WWOX: variants seen among roughly 807,000 people sequenced by gnomAD.
WWOX encodes WW domain containing oxidoreductase.
In WWOX, 69 loss-of-function variants were observed where a neutral mutation model predicts 46.2. The observed-to-expected ratio is 1.49, with a 90% CI of 1.23 to 1.82. The LOEUF is 1.82. Ranked by LOEUF, WWOX falls within the 40% of genes most tolerant of loss-of-function variation. WWOX has a pLI of 0.00. For synonymous variants in WWOX, 359 were observed against 202.6 expected (o/e 1.77, Z -6.56); for missense variants, 919 against 542.6 (o/e 1.69, Z -6.89).
At chr16:78,944,362 G>T (rs941387558) in intron 8 of WWOX, among the ~76,000 whole-genome samples, 45 of 152,256 alleles carry the variant, frequency 3.0e-4, no homozygotes, top group African/African-American at 1.0e-3. Context: ...GAAGATAGGA[G>T]CTGTCTTATC....
At chr16:78,187,907 C>T (rs1366675302) in intron 5 of WWOX, among the ~76,000 whole-genome samples, 2 of 152,148 alleles carry the variant, frequency 1.3e-5, no homozygotes, top group Non-Finnish European at 2.9e-5. Flanking sequence ...AGTGACGTAA[C>T]AGGTGTTTCC....
chr16:78,895,850 C>T (rs1340225288), intron 8 of WWOX: 2 of 152,196 alleles, frequency 1.3e-5, no homozygotes, highest in Admixed American at 6.5e-5. Flanking sequence ...CGAGTGCTCT[C>T]ATGCCAGGAA....
At chr16:79,010,403 C>T (rs955112495) in intron 8 of WWOX, among the ~76,000 whole-genome samples, 1 of 152,090 alleles carries the variant, frequency 6.6e-6, no homozygotes, top group Admixed American at 6.5e-5. Context: ...CTCAAAGGAC[C>T]TATGTTTGCT....
intron 8 of WWOX, among the ~76,000 whole-genome samples, chr16:78,608,370 C>T (rs541177319): frequency 2.0e-4 from 30 of 152,318 alleles, no homozygotes; most frequent in Middle Eastern, 3.4e-3. Context: ...AACCAGATTG[C>T]AAGTCTGTTT....
At chr16:78,643,055 G>A (rs552478839) in intron 8 of WWOX, among the ~76,000 whole-genome samples, 1 of 152,232 alleles carries the variant, frequency 6.6e-6, no homozygotes, top group Non-Finnish European at 1.5e-5. Context: ...TATCCCTGCT[G>A]CTGTTAACCC....
intron 8 of WWOX, among the ~76,000 whole-genome samples, chr16:78,717,211 T>C (rs2048584916): frequency 1.3e-5 from 2 of 152,176 alleles, no homozygotes; most frequent in African/African-American, 4.8e-5. Flanking sequence ...AAGTGTGTTT[T>C]TTAAATTTAA....
intron 8 of WWOX, among the ~76,000 whole-genome samples, chr16:78,527,403 C>T (rs2043501645): frequency 6.7e-6 from 1 of 149,826 alleles, no homozygotes; most frequent in South Asian, 2.1e-4. Flanking sequence ...AAGAGATTTT[C>T]CTGCCTTGGG....
chr16:78,478,782 C>A (rs1210379319), intron 8 of WWOX, among the ~76,000 whole-genome samples: 2 of 152,170 alleles, frequency 1.3e-5, no homozygotes, highest in Non-Finnish European at 2.9e-5. Flanking sequence ...AACTAGACAG[C>A]TGGTTCTGGT....
chr16:78,929,174 A>G (rs985722820), intron 8 of WWOX, among the ~76,000 whole-genome samples: 1 of 152,176 alleles, frequency 6.6e-6, no homozygotes, highest in African/African-American at 2.4e-5. Flanking sequence ...TGATTTTCAG[A>G]CCGTAAATTG....
At chr16:78,417,370 G>T (rs529350258) in intron 6 of WWOX, among the ~76,000 whole-genome samples, 1 of 152,062 alleles carries the variant, frequency 6.6e-6, no homozygotes, top group African/African-American at 2.4e-5. Context: ...TGAGATTACA[G>T]GCATGAGCCA....
chr16:78,785,117 A>G (rs1324227164), intron 8 of WWOX, among the ~76,000 whole-genome samples: 1 of 152,214 alleles, frequency 6.6e-6, no homozygotes, highest in Non-Finnish European at 1.5e-5. Context: ...CATAAAAATA[A>G]TTCAATACTA....
intron 8 of WWOX, among the ~76,000 whole-genome samples, chr16:79,144,366 G>A (rs185527786): frequency 2.6e-4 from 39 of 152,328 alleles, no homozygotes; most frequent in African/African-American, 9.1e-4. Context: ...CTTTTTGGGG[G>A]ACCCAGGAGT....
chr16:78,525,104 G>A (rs1355028337), intron 8 of WWOX: 4 of 151,226 alleles, frequency 2.6e-5, no homozygotes, highest in African/African-American at 9.7e-5. Context: ...AGCTTCAAGC[G>A]GTCCTCCTGC....
intron 8 of WWOX, among the ~76,000 whole-genome samples, chr16:79,191,035 TC>T (rs1391175836): frequency 6.6e-5 from 10 of 152,042 alleles, no homozygotes; most frequent in Non-Finnish European, 1.3e-4. Context: ...AAGCATGACT[TC>T]TTTTTTTTGT....
intron 8 of WWOX, among the ~76,000 whole-genome samples, chr16:78,623,875 C>G (rs1028544088): frequency 2.0e-5 from 3 of 152,148 alleles, no homozygotes; most frequent in Non-Finnish European, 4.4e-5. Context: ...CCTACAGAGT[C>G]ACATATTGTA....
intron 8 of WWOX, among the ~76,000 whole-genome samples, chr16:78,968,068 G>A (rs118025904): frequency 0.013 from 1,927 of 152,146 alleles, 21 homozygotes; most frequent in Non-Finnish European, 0.02. Flanking sequence ...ACAGTGTGTG[G>A]TCTGTATGGC....
intron 8 of WWOX, among the ~76,000 whole-genome samples, chr16:78,963,566 C>T (rs1192836973): frequency 2.0e-5 from 3 of 152,108 alleles, no homozygotes; most frequent in Non-Finnish European, 4.4e-5. Context: ...CCTTGAATTA[C>T]TGAATTAGAG....
At chr16:78,490,230 T>C (rs1042793062) in intron 8 of WWOX, among the ~76,000 whole-genome samples, 8 of 135,780 alleles carry the variant, frequency 5.9e-5, no homozygotes, top group Non-Finnish European at 1.3e-4. Flanking sequence ...GGTGATAATA[T>C]ATGGTCCCAT....
intron 8 of WWOX, among the ~76,000 whole-genome samples, chr16:78,876,768 C>G (rs1378570780): frequency 6.6e-6 from 1 of 152,074 alleles, no homozygotes; most frequent in Non-Finnish European, 1.5e-5. Flanking sequence ...AACCAAAAAT[C>G]TAAAGGAAAA....
Sources: gnomAD v4.1 joint callset for allele counts (sites outside exome capture counted in the v4.1 genomes callset) on GRCh38, gnomAD v4.1.1 for gene constraint, MANE v1.5 for transcripts, NCBI Gene and HGNC (gene_info 2026-07-23, HGNC 2026-07-21) for gene names.